Variants in ARHGEF10L observed in about 807,000 individuals in gnomAD.
ARHGEF10L encodes Rho guanine nucleotide exchange factor 10 like, also known as rho guanine nucleotide exchange factor 10-like protein.
ARHGEF10L carries 69 observed loss-of-function variants against 141.2 expected under a neutral mutation model. The ratio of observed to expected loss-of-function variants is 0.49; its 90% CI spans 0.40 to 0.60. The LOEUF is 0.60. ARHGEF10L is among the 20% of genes least tolerant of loss of function. The pLI, the probability that ARHGEF10L is intolerant of heterozygous loss-of-function variation, is 0.00. For missense variants in ARHGEF10L, 1,482 were observed against 1,734.3 expected (o/e 0.85, Z 2.58); for synonymous variants, 711 against 718.5 (o/e 0.99, Z 0.17).
intron 4 of ARHGEF10L, among the ~76,000 whole-genome samples, chr1:17,599,822 C>T (rs1487177443): frequency 6.6e-6 from 1 of 152,214 alleles, no homozygotes; most frequent in African/African-American, 2.4e-5. Context: ...TGACTTAGAC[C>T]TGCACCACCC....
chr1:17,694,954 G>A (rs1418883595), intron 27 of ARHGEF10L: 3 of 745,336 alleles, frequency 4.0e-6, no homozygotes, highest in African/African-American at 1.7e-5. Flanking sequence ...AGGCTGGTTA[G>A]GGGAGTGCTC....
Position 17,539,742 on chromosome 1 carries a change from G to A in ARHGEF10L, c.-252G>A, listed in dbSNP as rs2076645047. ...CGGCGGGACCAGGCCTCGGAGCGCG[G>A]CGGGCGCGGGCGCAGTCCCGGCGGG... On this transcript the variant is annotated 5_prime_UTR_variant, in exon 1 of 29. Coordinates refer to ENST00000361221, the MANE Select transcript of ARHGEF10L (RefSeq NM_018125.4). This position sits in a 1 kb window ranked among gnomAD's most constrained non-coding sequence, Gnocchi z 6.0. The A allele has an allele frequency of 6.8e-6, 1 of 146,632 alleles. No homozygotes were observed. The highest frequency in any genetic ancestry group is 1.5e-5 in the Non-Finnish European group (1 of 65,724). 9.1% of individuals were successfully genotyped at this position (146,632 alleles called of 1,614,324 possible).
chr1:17,697,067 G>A lies in ARHGEF10L; in HGVS notation c.3527G>A (p.Arg1176His), dbSNP rs140698867. The change falls in exon 29 of 29, where the codon CGC becomes CAC. Residue 1176 changes from arginine to histidine, a missense_variant. Arg to His is a conservative substitution (Grantham distance 29). Coordinates refer to ENST00000361221, the MANE Select transcript of ARHGEF10L (RefSeq NM_018125.4). The surrounding 1 kb of genome is among the most constrained non-coding windows in gnomAD (Gnocchi z 4.8). ...AAGAAGGGCATCCTCTTGCAGTACC[G>A]CCTGCGCTCCACCGCACACCTCCCG... ...TRKKGILLQY[R>H]LRSTAHLPGP... 5.7e-5 allele frequency: 92 copies of A among 1,604,780 alleles called. No individual in the cohort carries two copies. In the African/African-American group the frequency reaches 1.1e-3, roughly 20 times the overall value.
chr1:17,617,087 G>A (rs979704468), intron 9 of ARHGEF10L, among the ~76,000 whole-genome samples: 4 of 152,208 alleles, frequency 2.6e-5, no homozygotes, highest in Admixed American at 6.5e-5. Flanking sequence ...AGGGATAGAG[G>A]AGGCCTCAGG....
chr1:17,626,301 G>A (rs2060383427), intron 14 of ARHGEF10L, among the ~76,000 whole-genome samples: 1 of 152,188 alleles, frequency 6.6e-6, no homozygotes, highest in South Asian at 2.1e-4. Context: ...TTGCAGGAAG[G>A]GAGTGAAGGC....
At position 17,627,283 on chromosome 1, in the gene ARHGEF10L, A is replaced by C; in HGVS notation, c.1411-47A>C. 5.0e-6 allele frequency: 8 copies of C among 1,592,898 alleles called. No homozygotes were observed. Among genetic ancestry groups the C allele is most frequent in the Non-Finnish European group, 6.9e-6 (8 of 1,165,418 alleles). On this transcript the variant is annotated intron_variant, in intron 14 of 28. Coordinates refer to ENST00000361221, the MANE Select transcript of ARHGEF10L (RefSeq NM_018125.4). This position sits in a 1 kb window ranked among gnomAD's most constrained non-coding sequence, Gnocchi z 4.0. ...GTGAGGCTTTGCCCCAGGCTGGGGT[A>C]GAGTTGGTCATGGGTGGGCTGCTCA...
chr1:17,641,220 C>T (rs1049001205), intron 21 of ARHGEF10L, among the ~76,000 whole-genome samples: 3 of 152,210 alleles, frequency 2.0e-5, no homozygotes, highest in African/African-American at 7.2e-5. Context: ...GCTATTATTC[C>T]CTATGATGTA....
At chr1:17,533,713 G>C in the ARHGEF10L span, among the ~76,000 whole-genome samples, 1 of 152,144 alleles carries the variant, frequency 6.6e-6, no homozygotes. Context: ...CAAAATGCCT[G>C]TCCTATTGAA....
At position 17,558,024 on chromosome 1, in the gene ARHGEF10L, G is replaced by A. The variant is rs1473888674; in HGVS notation, c.-44+18074G>A. Among the ~76,000 whole-genome samples the A allele has an allele frequency of 1.3e-5, 2 of 151,732 alleles. No homozygotes were observed. Among genetic ancestry groups the A allele is most frequent in the Non-Finnish European group, 2.9e-5 (2 of 67,920 alleles). ...CTTCCTCCCCACCATCCACCCACTC[G>A]CCCATTCATTCATCTCTCCATTCAT... On this transcript the variant is annotated intron_variant, in intron 1 of 28. Transcript: ENST00000361221. This position sits in a 1 kb window ranked among gnomAD's most constrained non-coding sequence, Gnocchi z 4.2.
At chr1:17,545,896 C>T (rs935408118) in intron 1 of ARHGEF10L, among the ~76,000 whole-genome samples, 1 of 152,090 alleles carries the variant, frequency 6.6e-6, no homozygotes, top group Non-Finnish European at 1.5e-5. Flanking sequence ...CTCCTTCTAC[C>T]CAGGGGAGTT....
At chr1:17,522,456 G>A in the ARHGEF10L span, among the ~76,000 whole-genome samples, 1 of 152,050 alleles carries the variant, frequency 6.6e-6, no homozygotes, top group Non-Finnish European at 1.5e-5. Context: ...CTAAGTGATG[G>A]AACAGAGTCA....
intron 27 of ARHGEF10L, chr1:17,689,907 A>G (rs13376020): frequency 0.15 from 66,351 of 453,272 alleles, 5,228 homozygotes; most frequent in Non-Finnish European, 0.17. Flanking sequence ...TAGAACAGCC[A>G]CTCCTGCCTG....
intron 26 of ARHGEF10L, among the ~76,000 whole-genome samples, chr1:17,668,196 G>A (rs1414633247): frequency 6.6e-6 from 1 of 152,212 alleles, no homozygotes; most frequent in African/African-American, 2.4e-5. Context: ...TCTTAAATCC[G>A]CATTGCTGTA....
intron 26 of ARHGEF10L, among the ~76,000 whole-genome samples, chr1:17,668,436 C>T (rs565123703): frequency 4.6e-5 from 7 of 152,378 alleles, no homozygotes; most frequent in African/African-American, 1.7e-4. Flanking sequence ...AGCCGTAGTG[C>T]AGTCAACTCC....
At chr1:17,684,634 A>AAG (rs1157881788) in intron 26 of ARHGEF10L, among the ~76,000 whole-genome samples, 7 of 152,126 alleles carry the variant, frequency 4.6e-5, no homozygotes, top group African/African-American at 7.2e-5. Context: ...AGCTTGATAC[A>AAG]AGATTCTGTC....
chr1:17,639,263 C>A lies in ARHGEF10L; in HGVS notation c.2171+574C>A, dbSNP rs77888973. Among the ~76,000 whole-genome samples, 2 of 152,184 alleles carry A rather than the reference C, an allele frequency of 1.3e-5. No homozygotes were observed. On this transcript the variant is annotated intron_variant, in intron 20 of 28. Coordinates refer to ENST00000361221, the MANE Select transcript of ARHGEF10L (RefSeq NM_018125.4). The surrounding 1 kb of genome is among the most constrained non-coding windows in gnomAD (Gnocchi z 4.3). ...ATGAGGAAGGTGAGGCTCAGAGTTT[C>A]AGGAGAGGCTGAAGGCCACATCGTG...
intron 7 of ARHGEF10L, among the ~76,000 whole-genome samples, chr1:17,610,383 T>C (rs1484072255): frequency 6.6e-6 from 1 of 152,128 alleles, no homozygotes; most frequent in African/African-American, 2.4e-5. Context: ...ACTCTCAGGC[T>C]GGGGGCTTTG....
intron 6 of ARHGEF10L, among the ~76,000 whole-genome samples, chr1:17,605,775 T>C (rs535679341): frequency 1.3e-5 from 2 of 152,172 alleles, no homozygotes; most frequent in African/African-American, 4.8e-5. Context: ...GCTGCCAGGG[T>C]TCCTCCTCAG....
intron 6 of ARHGEF10L, among the ~76,000 whole-genome samples, chr1:17,606,870 G>T (rs772870616): frequency 7.9e-5 from 12 of 152,174 alleles, no homozygotes; most frequent in Non-Finnish European, 1.6e-4. Flanking sequence ...GCTTCAAGTG[G>T]CATCTCATAG....
Sources: allele counts gnomAD v4.1 joint callset (sites outside exome capture counted in the v4.1 genomes callset), GRCh38; gene constraint gnomAD v4.1.1; non-coding constraint Gnocchi (gnomAD v3.1); transcripts MANE v1.5; gene names NCBI Gene and HGNC (gene_info 2026-07-23, HGNC 2026-07-21).